Variants in CCDC191 observed in about 807,000 individuals in gnomAD.
CCDC191 encodes coiled-coil domain-containing protein 191.
CCDC191 carries 99 observed loss-of-function variants against 114.0 expected under a neutral mutation model. That is an observed-to-expected ratio of 0.87 (90% confidence interval 0.74 to 1.03). CCDC191 has a LOEUF of 1.03. CCDC191 is among the 50% of genes least tolerant of loss of function. CCDC191 has a pLI of 0.00. For synonymous variants in CCDC191, 351 were observed against 376.0 expected (o/e 0.93, Z 0.77); for missense variants, 973 against 1,087.0 (o/e 0.90, Z 1.47).
intron 2 of CCDC191, 62 bp from the exon 3 acceptor site, chr3:114,046,794 TTC>T: frequency 6.6e-7 from 1 of 1,511,502 alleles, no homozygotes; most frequent in Non-Finnish European, 8.8e-7. Flanking sequence ...GTTAGAGAAT[TTC>T]TCTCCTACTC....
chr3:114,000,574 T>C (rs1489666905), intron 13 of CCDC191, among the ~76,000 whole-genome samples: 6 of 152,198 alleles, frequency 3.9e-5, no homozygotes, highest in African/African-American at 1.4e-4. Flanking sequence ...CCATTCAAAT[T>C]TCCTTTTCAT....
chr3:114,013,191 A>G (rs945143572), intron 8 of CCDC191, among the ~76,000 whole-genome samples: 1 of 152,024 alleles, frequency 6.6e-6, no homozygotes, highest in Non-Finnish European at 1.5e-5. Flanking sequence ...AATTGCAGTG[A>G]GCCGAGATTG....
At chr3:113,971,579 C>T (rs1940826820) in intron 16 of CCDC191, among the ~76,000 whole-genome samples, 1 of 152,204 alleles carries the variant, frequency 6.6e-6, no homozygotes, top group Middle Eastern at 3.4e-3. Flanking sequence ...ATTTGGTTTG[C>T]CGGTATTTGG....
rs761791016 is a variant in CCDC191 at position 114,001,739 on chromosome 3, G to A, written c.2062-43C>T. Reference sequence around the variant, plus strand: ...CCAGAAATATCAGAACCCTCAATTTGAACAGAAATGTGATCTTTTATGTTT... The same window carrying A: ...CCAGAAATATCAGAACCCTCAATTTAAACAGAAATGTGATCTTTTATGTTT... On this transcript the variant is annotated intron_variant, in intron 12 of 16. Transcript: ENST00000295878. 18 of 1,609,466 alleles carry A rather than the reference G, an allele frequency of 1.1e-5. No homozygotes were observed. The Admixed American group carries it at 1.2e-4, about 11-fold the overall frequency.
intron 4 of CCDC191, among the ~76,000 whole-genome samples, chr3:114,041,533 C>T (rs2076559877): frequency 1.3e-5 from 2 of 152,128 alleles, no homozygotes; most frequent in African/African-American, 4.8e-5. Flanking sequence ...GCTCCCAATC[C>T]CGGAAGGTGT....
intron 16 of CCDC191, among the ~76,000 whole-genome samples, chr3:113,973,902 C>A (rs1030312488): frequency 2.0e-5 from 3 of 151,440 alleles, no homozygotes; most frequent in African/African-American, 7.3e-5. Flanking sequence ...AGTCCCCCTT[C>A]AACACCAGTA....
intron 8 of CCDC191, among the ~76,000 whole-genome samples, chr3:114,017,142 C>A (rs2076172857): frequency 6.7e-6 from 1 of 150,072 alleles, no homozygotes; most frequent in African/African-American, 2.5e-5. Context: ...TACCTTAACT[C>A]CATGTCCTGG....
intron 3 of CCDC191, 130 bp downstream of exon 3, chr3:114,046,461 G>A (rs1436115315): frequency 2.9e-6 from 2 of 678,928 alleles, no homozygotes; most frequent in Non-Finnish European, 5.3e-6. Flanking sequence ...GAGTAAAATA[G>A]TTTCAGGGGA....
intron 7 of CCDC191, among the ~76,000 whole-genome samples, chr3:114,030,948 C>G (rs1194711696): frequency 6.6e-6 from 1 of 152,158 alleles, no homozygotes; most frequent in East Asian, 1.9e-4. Context: ...ATCTAACCCT[C>G]TCATTTACAA....
At chr3:113,989,332 T>C (rs962244465) in intron 13 of CCDC191, among the ~76,000 whole-genome samples, 1 of 152,150 alleles carries the variant, frequency 6.6e-6, no homozygotes, top group Non-Finnish European at 1.5e-5. Context: ...AGCAGACCAA[T>C]GGCAGCTGAG....
chr3:114,049,231 A>G lies in CCDC191; in HGVS notation c.130-2499T>C, dbSNP rs146203575. 9.7e-4 allele frequency among the ~76,000 whole-genome samples: 148 copies of G among 152,326 alleles called. 2 individuals are homozygous for G. Among genetic ancestry groups the G allele is most frequent in the African/African-American group, 3.4e-3 (141 of 41,574 alleles). On this transcript the variant is annotated intron_variant, in intron 2 of 16. Coordinates refer to ENST00000295878, the MANE Select transcript of CCDC191 (RefSeq NM_020817.2). ...CACTCCTTATGAAGTCACTTGGTAG[A>G]GACCTATTTTCCCATATTATTTCTG...
At chr3:114,020,242 C>T (rs1338313575) in intron 7 of CCDC191, among the ~76,000 whole-genome samples, 1 of 152,146 alleles carries the variant, frequency 6.6e-6, no homozygotes, top group Non-Finnish European at 1.5e-5. Flanking sequence ...ATGACCTCTA[C>T]TTCTAAGAGG....
At position 114,056,365 on chromosome 3, in the gene CCDC191, G is replaced by A; in HGVS notation, c.90+12C>T. The A allele has an allele frequency of 6.2e-7, 1 of 1,613,736 alleles. No individual in the cohort carries two copies. Among genetic ancestry groups the A allele is most frequent in the Non-Finnish European group, 8.5e-7 (1 of 1,179,674 alleles). On this transcript the variant is annotated intron_variant, in intron 1 of 16. Coordinates refer to ENST00000295878, the MANE Select transcript of CCDC191 (RefSeq NM_020817.2). ...AAAGTCCCCGCCCTCCAAAGCTCTC[G>A]ATTGGGATCACCTTGGGACTCGGCT... is the stretch of plus-strand genomic sequence containing the variant.
intron 11 of CCDC191, chr3:114,003,959 G>A (rs566370230): frequency 4.0e-5 from 39 of 985,352 alleles, no homozygotes; most frequent in South Asian, 3.3e-4. Flanking sequence ...GCTTCTATTC[G>A]TATAGTTTAG....
At chr3:114,056,058 A>T (rs1312183140) in intron 1 of CCDC191, among the ~76,000 whole-genome samples, 3 of 151,968 alleles carry the variant, frequency 2.0e-5, no homozygotes, top group African/African-American at 7.2e-5. Flanking sequence ...ATGTGCGAGA[A>T]GTTTCCTAAA....
chr3:114,020,075 T>C (rs2076221736), intron 7 of CCDC191, among the ~76,000 whole-genome samples: 1 of 152,008 alleles, frequency 6.6e-6, no homozygotes, highest in Non-Finnish European at 1.5e-5. Flanking sequence ...TTGTGGGAAG[T>C]ATGGGGGATT....
At chr3:113,970,336 A>T (rs1940671094) in intron 16 of CCDC191, among the ~76,000 whole-genome samples, 1 of 151,582 alleles carries the variant, frequency 6.6e-6, no homozygotes, top group African/African-American at 2.4e-5. Flanking sequence ...ATTTGGATAC[A>T]TTTTTTTTAA....
chr3:113,986,216 A>G (rs1205381511), intron 13 of CCDC191, among the ~76,000 whole-genome samples: 1 of 152,248 alleles, frequency 6.6e-6, no homozygotes, highest in Non-Finnish European at 1.5e-5. Context: ...GCTTACTGCT[A>G]GAAGATACAG....
Position 114,005,740 on chromosome 3 carries a change from G to A in CCDC191, c.1636C>T (p.Pro546Ser). The change falls in exon 10 of 17, where the codon CCG becomes TCG. Residue 546 changes from proline to serine, a missense_variant. Physicochemically the swap from Pro to Ser is moderately conservative, Grantham distance 74. Transcript: ENST00000295878. ...TTGTGGAAATGACCCAAGCAAAGCG[G>A]TTCTGCTTTCTGGCTGGTAGTTCTG... is the stretch of plus-strand genomic sequence containing the variant. ...TLRTTSQKAE[P>S]LCLGHFHNRH... is the part of the protein sequence containing the mutation. 1.2e-6 allele frequency: 2 copies of A among 1,614,156 alleles called. No homozygotes were observed. The highest frequency in any genetic ancestry group is 1.7e-6 in the Non-Finnish European group (2 of 1,180,010).
Sources: gnomAD v4.1 joint callset for allele counts (sites outside exome capture counted in the v4.1 genomes callset) on GRCh38, gnomAD v4.1.1 for gene constraint, MANE v1.5 for transcripts, NCBI Gene and HGNC (gene_info 2026-07-23, HGNC 2026-07-21) for gene names.